GATAD2B: variants seen among roughly 807,000 people sequenced by gnomAD.
The protein encoded by GATAD2B is transcriptional repressor p66-beta.
Under a neutral mutation model 64.3 loss-of-function variants are expected in GATAD2B, and 8 were observed. That is an observed-to-expected ratio of 0.12 (90% CI 0.07 to 0.22). The LOEUF (loss-of-function observed/expected upper bound fraction) is 0.22. Among genes scored for constraint, GATAD2B ranks in the 10% least tolerant of loss-of-function variants. GATAD2B has a pLI of 1.00. For synonymous variants in GATAD2B, 281 were observed against 271.3 expected (o/e 1.04, Z -0.35); for missense variants, 453 against 752.0 (o/e 0.60, Z 4.65).
intron 1 of GATAD2B, among the ~76,000 whole-genome samples, chr1:153,857,524 CTAAT>C (rs1676129227): frequency 6.6e-6 from 1 of 152,034 alleles, no homozygotes; most frequent in African/African-American, 2.4e-5. Flanking sequence ...ACTGTAGGCA[CTAAT>C]TAAATTAGTG....
intron 1 of GATAD2B, among the ~76,000 whole-genome samples, chr1:153,840,469 C>A (rs943411681): frequency 6.6e-6 from 1 of 152,052 alleles, no homozygotes; most frequent in Non-Finnish European, 1.5e-5. Context: ...TCCCGAGTAG[C>A]TAGGATTACA....
chr1:153,869,978 A>G (rs1204627083), intron 1 of GATAD2B, among the ~76,000 whole-genome samples: 3 of 149,602 alleles, frequency 2.0e-5, no homozygotes, highest in Non-Finnish European at 3.0e-5. Flanking sequence ...CCTTTTTTTG[A>G]GATGAAGTCT....
intron 1 of GATAD2B, among the ~76,000 whole-genome samples, chr1:153,917,057 C>T (rs1426014189): frequency 2.6e-5 from 4 of 151,122 alleles, no homozygotes; most frequent in African/African-American, 7.3e-5. Context: ...CTACCCCCCT[C>T]GGCCTCCCAA....
chr1:153,922,484 G>C (rs1291710336), intron 1 of GATAD2B, among the ~76,000 whole-genome samples: 2 of 149,580 alleles, frequency 1.3e-5, no homozygotes, highest in Admixed American at 6.6e-5. Flanking sequence ...CGCGCCAAGG[G>C]GGGAGAGGAT....
intron 1 of GATAD2B, among the ~76,000 whole-genome samples, chr1:153,894,447 G>A (rs959951254): frequency 4.6e-5 from 7 of 151,964 alleles, no homozygotes; most frequent in South Asian, 4.2e-4. Context: ...CAGCATGGGC[G>A]ACAGAGCAAG....
chr1:153,828,184 G>A lies in GATAD2B; in HGVS notation c.164C>T (p.Ala55Val). The A allele has an allele frequency of 3.1e-6, 5 of 1,614,132 alleles. No individual in the cohort carries two copies. Among genetic ancestry groups the A allele is most frequent in the Non-Finnish European group, 4.2e-6 (5 of 1,180,026 alleles). The change falls in exon 2 of 11, where the codon GCA becomes GTA. Residue 55 changes from alanine to valine, a missense_variant. Physicochemically the swap from Ala to Val is moderately conservative, Grantham distance 64. Transcript: ENST00000368655. ...MLALLKRKDLANLEVPHELPT... is the reference protein window; with the variant it reads ...MLALLKRKDLVNLEVPHELPT... ...TAACTCATGTGGCACCTCAAGATTT[G>A]CCAAATCCTTCCTTTTGAGCAATGC...
At chr1:153,877,089 C>CT (rs1306969889) in intron 1 of GATAD2B, among the ~76,000 whole-genome samples, 2 of 152,134 alleles carry the variant, frequency 1.3e-5, no homozygotes, top group Non-Finnish European at 2.9e-5. Context: ...AATCCCAGCA[C>CT]TTTGGGGGGC....
chr1:153,871,669 C>T (rs1296676436), intron 1 of GATAD2B, among the ~76,000 whole-genome samples: 1 of 152,036 alleles, frequency 6.6e-6, no homozygotes, highest in Non-Finnish European at 1.5e-5. Context: ...ACGGGTTTTA[C>T]CATGTTGGGC....
In GATAD2B at chr1:153,823,481, GT is replaced by G. The variant is rs1674754916; in HGVS notation, c.336-3747del. ...TAGGCTATTATGACATGGCTATTATGTTAAGAACTTCTCTTGCCTTCTGCTT... is the reference window on the plus strand; with the variant it reads ...TAGGCTATTATGACATGGCTATTATGTAAGAACTTCTCTTGCCTTCTGCTT... On this transcript the variant is annotated intron_variant, in intron 2 of 10. Coordinates refer to ENST00000368655, the MANE Select transcript of GATAD2B (RefSeq NM_020699.4). Among the ~76,000 whole-genome samples the G allele has an allele frequency of 3.3e-5, 5 of 152,246 alleles. No homozygotes were observed. In the South Asian group the frequency reaches 1.0e-3, roughly 32 times the overall value.
chr1:153,908,723 C>T (rs909681857), intron 1 of GATAD2B, among the ~76,000 whole-genome samples: 95 of 150,772 alleles, frequency 6.3e-4, no homozygotes, highest in Admixed American at 2.7e-3. Context: ...CCGCCTGGCC[C>T]TCCCAAAGTG....
At chr1:153,896,173 T>TA (rs1372077799) in intron 1 of GATAD2B, among the ~76,000 whole-genome samples, 15 of 151,600 alleles carry the variant, frequency 9.9e-5, no homozygotes, top group East Asian at 1.9e-4. Context: ...AAAATATATT[T>TA]TAAAAAAAAT....
intron 2 of GATAD2B, among the ~76,000 whole-genome samples, chr1:153,825,216 G>A (rs1674828835): frequency 6.6e-6 from 1 of 152,212 alleles, no homozygotes; most frequent in African/African-American, 2.4e-5. Context: ...TGCTCCAGAA[G>A]GGTAAGAGAG....
In GATAD2B at chr1:153,808,154, C is replaced by T. The variant is rs1674166132; in HGVS notation, c.*2023G>A. The T allele has an allele frequency of 1.3e-5, 2 of 152,530 alleles. No homozygotes were observed. The highest frequency in any genetic ancestry group is 2.4e-5 in the African/African-American group (1 of 41,424). 9.4% of individuals were successfully genotyped at this position (152,530 alleles called of 1,614,324 possible). A position where few individuals can be genotyped will look rare whatever the true frequency, so the allele number is the denominator to read the frequency against. ...ACTTACAGTCAGGGGTACCACATTC[C>T]CCGGAAAAATACTCAAAAAACCCAA... is the stretch of plus-strand genomic sequence containing the variant. On this transcript the variant is annotated 3_prime_UTR_variant, in exon 11 of 11. Transcript: ENST00000368655.
intron 1 of GATAD2B, among the ~76,000 whole-genome samples, chr1:153,850,540 T>TC (rs1557802816): frequency 6.6e-6 from 1 of 152,096 alleles, no homozygotes; most frequent in African/African-American, 2.4e-5. Context: ...CCTCAAGTGA[T>TC]CCGCCCACAT....
intron 1 of GATAD2B, among the ~76,000 whole-genome samples, chr1:153,847,618 C>T (rs1206246966): frequency 6.6e-6 from 1 of 152,012 alleles, no homozygotes; most frequent in Non-Finnish European, 1.5e-5. Context: ...GTTATTCTTT[C>T]AGGATTCACT....
At chr1:153,909,871 C>A (rs1254612031) in intron 1 of GATAD2B, among the ~76,000 whole-genome samples, 1 of 150,926 alleles carries the variant, frequency 6.6e-6, no homozygotes, top group Non-Finnish European at 1.5e-5. Flanking sequence ...TCGCCTGAAC[C>A]TGGGAGGCAG....
In GATAD2B at chr1:153,841,536, G is replaced by A. The variant is rs567691767; in HGVS notation, c.-1-13188C>T. ...TGTTTGCTTTTCAAACTATTATAAA[G>A]TTGGAATCATAGAGTATGTAACTTT... is the stretch of plus-strand genomic sequence containing the variant. On this transcript the variant is annotated intron_variant, in intron 1 of 10. Coordinates refer to ENST00000368655, the MANE Select transcript of GATAD2B (RefSeq NM_020699.4). 8.1e-4 allele frequency among the ~76,000 whole-genome samples: 123 copies of A among 152,276 alleles called. 1 individual carries two copies. The highest frequency in any genetic ancestry group is 3.1e-3 in the Admixed American group (48 of 15,296).
intron 2 of GATAD2B, among the ~76,000 whole-genome samples, chr1:153,826,657 A>G (rs370843218): frequency 6.7e-6 from 1 of 150,028 alleles, no homozygotes; most frequent in African/African-American, 2.5e-5. Flanking sequence ...CTTGGGTTAT[A>G]AGCTGGGTGT....
At chr1:153,888,722 T>C (rs1035749266) in intron 1 of GATAD2B, among the ~76,000 whole-genome samples, 6 of 152,212 alleles carry the variant, frequency 3.9e-5, no homozygotes, top group African/African-American at 1.4e-4. Flanking sequence ...GCACTTGAGT[T>C]CTACTTTTTG....
Sources: gnomAD v4.1 joint callset for allele counts (sites outside exome capture counted in the v4.1 genomes callset) on GRCh38, gnomAD v4.1.1 for gene constraint, MANE v1.5 for transcripts, NCBI Gene and HGNC (gene_info 2026-07-23, HGNC 2026-07-21) for gene names.